The following AKAP13 variants were observed in gnomAD, a reference collection of about 807,000 sequenced individuals.
AKAP13 encodes A-kinase anchor protein 13.
Under a neutral mutation model 264.5 loss-of-function variants are expected in AKAP13, and 80 were observed. The ratio of observed to expected loss-of-function variants is 0.30; its 90% CI spans 0.25 to 0.36. The LOEUF (loss-of-function observed/expected upper bound fraction) is 0.36, where lower values mean the gene tolerates loss of function less well. Ranked by LOEUF, AKAP13 falls within the 10% of genes least tolerant of loss-of-function variation. The pLI is 1.00. For missense variants in AKAP13, 3,712 were observed against 3,435.2 expected, an observed-to-expected ratio of 1.08 and a Z score of -2.01; for synonymous variants, 1,380 against 1,250.2, an observed-to-expected ratio of 1.10 and a Z score of -2.19.
intron 5 of AKAP13, among the ~76,000 whole-genome samples, chr15:85,567,169 G>C (rs112087653): frequency 0.043 from 6,527 of 152,164 alleles, 461 homozygotes; most frequent in African/African-American, 0.15. Flanking sequence ...GTGCAATGGT[G>C]TGATCTCGGC....
At chr15:85,738,986 T>A (rs1386710275) in intron 33 of AKAP13, among the ~76,000 whole-genome samples, 1 of 152,096 alleles carries the variant, frequency 6.6e-6, no homozygotes, top group African/African-American at 2.4e-5. Flanking sequence ...CATATCTTGC[T>A]TTTTTTCCTC....
In AKAP13 at chr15:85,655,384, G is replaced by A. The variant is rs1275848321; in HGVS notation, c.4375-33G>A. 1.1e-5 allele frequency: 17 copies of A among 1,593,936 alleles called. 1 individual carries two copies. Among genetic ancestry groups the A allele is most frequent in the South Asian group, 3.4e-5 (3 of 88,034 alleles). ...TGAGGCTATCTGATTGGCCCTGCTG[G>A]CTTCAACCATATGTGCTTTCTCTCC... is the stretch of plus-strand genomic sequence containing the variant. On this transcript the variant is annotated intron_variant, in intron 10 of 36. Transcript: ENST00000394518.
intron 1 of AKAP13, among the ~76,000 whole-genome samples, chr15:85,442,020 G>C (rs1233571243): frequency 1.3e-5 from 2 of 152,152 alleles, no homozygotes; most frequent in Non-Finnish European, 2.9e-5. Flanking sequence ...AGGTGACTCT[G>C]TTATCCTCTC....
intron 1 of AKAP13, among the ~76,000 whole-genome samples, chr15:85,482,595 T>A (rs1165189126): frequency 6.6e-6 from 1 of 152,140 alleles, no homozygotes; most frequent in Non-Finnish European, 1.5e-5. Flanking sequence ...CCTCTTACGA[T>A]GTGGGGGGAA....
intron 5 of AKAP13, among the ~76,000 whole-genome samples, 169 bp from the exon 6 acceptor site, chr15:85,574,962 A>G (rs1320376168): frequency 6.6e-6 from 1 of 152,162 alleles, no homozygotes; most frequent in Admixed American, 6.5e-5. Context: ...TGTGAGGAGG[A>G]TGGAGCTATT....
chr15:85,653,665 T>C (rs1254769079), intron 10 of AKAP13, among the ~76,000 whole-genome samples: 1 of 152,218 alleles, frequency 6.6e-6, no homozygotes, highest in East Asian at 1.9e-4. Flanking sequence ...TTTCTCTTTC[T>C]TGAAGAACCA....
At chr15:85,693,067 C>G in intron 16 of AKAP13, 1 of 762,924 alleles carries the variant, frequency 1.3e-6, no homozygotes, top group Non-Finnish European at 1.9e-6. Context: ...TTCCGCCTGC[C>G]CAGTTTTCGT....
At chr15:85,619,852 T>G in intron 8 of AKAP13, 1 of 1,376,482 alleles carries the variant, frequency 7.3e-7, no homozygotes, top group Non-Finnish European at 9.4e-7. Context: ...CATTCATCTT[T>G]CCAGCACTCT....
chr15:85,679,199 C>A (rs1049174039), intron 14 of AKAP13, among the ~76,000 whole-genome samples: 6 of 151,694 alleles, frequency 4.0e-5, no homozygotes, highest in African/African-American at 1.5e-4. Flanking sequence ...AAGATCATGC[C>A]ATTGCACTCC....
intron 1 of AKAP13, among the ~76,000 whole-genome samples, chr15:85,388,800 G>C (rs2150796306): frequency 6.6e-6 from 1 of 152,194 alleles, no homozygotes; most frequent in Middle Eastern, 3.4e-3. Flanking sequence ...ATAGGTTCTT[G>C]ATCATATGTA....
In AKAP13 at chr15:85,452,831, C is replaced by T. The variant is rs139024010; in HGVS notation, c.-11-32879C>T. Among the ~76,000 whole-genome samples the T allele has an allele frequency of 6.0e-3, 913 of 152,322 alleles. 12 individuals are homozygous for T. The highest frequency in any genetic ancestry group is 0.021 in the African/African-American group (867 of 41,572). On this transcript the variant is annotated intron_variant, in intron 1 of 36. Transcript: ENST00000394518. ...CTTGAGTGCTGGCTGTAGTTCATGACATCCAGTACAGCTCTGGGGAGATCT... is the reference window on the plus strand; with the variant it reads ...CTTGAGTGCTGGCTGTAGTTCATGATATCCAGTACAGCTCTGGGGAGATCT...
At chr15:85,684,254 A>G (rs1453860394) in intron 15 of AKAP13, among the ~76,000 whole-genome samples, 1 of 152,162 alleles carries the variant, frequency 6.6e-6, no homozygotes, top group Non-Finnish European at 1.5e-5. Flanking sequence ...GAGGTCACTG[A>G]AAATCCATAA....
At chr15:85,628,479 TTAAATGTTTACGAATGAAGCCTAA>T (rs1201519506) in intron 8 of AKAP13, among the ~76,000 whole-genome samples, 2 of 152,188 alleles carry the variant, frequency 1.3e-5, no homozygotes, top group African/African-American at 4.8e-5. Context: ...GGTTTTACTT[TTAAATGTTTACGAATGAAGCCTAA>T]TTCAGAAGAG....
At chr15:85,681,913 A>G (rs923588267) in intron 14 of AKAP13, among the ~76,000 whole-genome samples, 5 of 152,154 alleles carry the variant, frequency 3.3e-5, no homozygotes, top group Non-Finnish European at 7.4e-5. Context: ...GAGTCTTTTT[A>G]GTTACTTGAA....
chr15:85,517,331 G>A (rs576930537), intron 2 of AKAP13, among the ~76,000 whole-genome samples: 16 of 148,668 alleles, frequency 1.1e-4, no homozygotes, highest in Non-Finnish European at 2.2e-4. Context: ...CCCCAAATAC[G>A]TTTCCCTTTC....
At chr15:85,638,712 G>C (rs1295775614) in intron 8 of AKAP13, among the ~76,000 whole-genome samples, 2 of 151,760 alleles carry the variant, frequency 1.3e-5, no homozygotes, top group Non-Finnish European at 2.9e-5. Flanking sequence ...ACACAGACTT[G>C]GCATTCCAGC....
intron 16 of AKAP13, among the ~76,000 whole-genome samples, chr15:85,685,707 C>T (rs1006323841): frequency 4.6e-5 from 7 of 152,052 alleles, no homozygotes; most frequent in Non-Finnish European, 7.4e-5. Context: ...GTGTCTAGGC[C>T]GGTCTAATGC....
chr15:85,520,724 G>A (rs2076792379), intron 2 of AKAP13: 1 of 518,786 alleles, frequency 1.9e-6, no homozygotes, highest in Non-Finnish European at 3.8e-6. Flanking sequence ...TAGACCGAGA[G>A]TTGAACATGT....
chr15:85,472,708 G>A (rs2075004657), intron 1 of AKAP13, among the ~76,000 whole-genome samples: 1 of 152,042 alleles, frequency 6.6e-6, no homozygotes, highest in Non-Finnish European at 1.5e-5. Flanking sequence ...TCTCATATAG[G>A]GGAGGAATAA....
Sources: gnomAD v4.1 joint callset for allele counts (sites outside exome capture counted in the v4.1 genomes callset) on GRCh38, gnomAD v4.1.1 for gene constraint, MANE v1.5 for transcripts, NCBI Gene and HGNC (gene_info 2026-07-23, HGNC 2026-07-21) for gene names.